DCTN5: variants seen among roughly 807,000 people sequenced by gnomAD.
DCTN5 encodes dynactin subunit 5, also known as dynactin 4.
A neutral mutation model predicts 23.5 loss-of-function variants in DCTN5; 14 were observed. That is an observed-to-expected ratio of 0.60 (90% confidence interval 0.39 to 0.93). The LOEUF is 0.93. Among genes scored for constraint, DCTN5 ranks in the 40% least tolerant of loss-of-function variants. The pLI is 0.00. For missense variants in DCTN5, 156 were observed against 225.9 expected (o/e 0.69, Z 1.98); for synonymous variants, 67 against 79.6 (o/e 0.84, Z 0.84).
intron 2 of DCTN5, among the ~76,000 whole-genome samples, chr16:23,653,941 C>G (rs1198417594): frequency 6.6e-6 from 1 of 152,184 alleles, no homozygotes; most frequent in African/African-American, 2.4e-5. Context: ...ACAAAAAGCT[C>G]AACATCACTG....
At chr16:23,661,303 G>C (rs1460860166) in intron 4 of DCTN5, 22 bp downstream of exon 4, 1 of 1,568,226 alleles carries the variant, frequency 6.4e-7, no homozygotes, top group African/African-American at 1.4e-5. Flanking sequence ...GACTTGGCTG[G>C]CAAAGCAGCT....
At chr16:23,663,774 T>G (rs1967858983) in intron 4 of DCTN5, among the ~76,000 whole-genome samples, 1 of 151,972 alleles carries the variant, frequency 6.6e-6, no homozygotes, top group South Asian at 2.1e-4. Flanking sequence ...ACCAGTACAT[T>G]CATGCCTAAG....
At chr16:23,661,352 A>G (rs564183855) in intron 4 of DCTN5, 71 bp downstream of exon 4, 3 of 1,118,544 alleles carry the variant, frequency 2.7e-6, no homozygotes, top group South Asian at 2.7e-5. Context: ...CTTCGGTGGG[A>G]CCCTGTTTCT....
At chr16:23,646,060 G>C (rs1365340180) in intron 2 of DCTN5, among the ~76,000 whole-genome samples, 1 of 152,130 alleles carries the variant, frequency 6.6e-6, no homozygotes, top group Admixed American at 6.5e-5. Context: ...CATTGTGCAG[G>C]GTTCCAATTT....
intron 5 of DCTN5, chr16:23,666,795 T>C (rs1967914602): frequency 1.8e-6 from 1 of 540,612 alleles, no homozygotes; most frequent in African/African-American, 1.9e-5. Context: ...TTGGCCATTC[T>C]ACCGTGTCAT....
chr16:23,653,604 A>G (rs1449280052), intron 2 of DCTN5, among the ~76,000 whole-genome samples: 1 of 152,260 alleles, frequency 6.6e-6, no homozygotes, highest in Non-Finnish European at 1.5e-5. Flanking sequence ...AAATCCTGGA[A>G]GACAACCTAA....
chr16:23,658,733 C>A, intron 3 of DCTN5, 108 bp downstream of exon 3: 1 of 827,404 alleles, frequency 1.2e-6, no homozygotes, highest in Non-Finnish European at 2.1e-6. Context: ...CTGTTTGAAG[C>A]ACTGAGTAAG....
intron 2 of DCTN5, among the ~76,000 whole-genome samples, chr16:23,648,524 A>G (rs898438255): frequency 6.7e-6 from 1 of 150,284 alleles, no homozygotes; most frequent in African/African-American, 2.5e-5. Flanking sequence ...TAATTTTTGT[A>G]TTTTTAATAG....
chr16:23,656,519 GA>G (rs1967707046), intron 2 of DCTN5, among the ~76,000 whole-genome samples: 1 of 152,078 alleles, frequency 6.6e-6, no homozygotes, highest in Non-Finnish European at 1.5e-5. Context: ...CTATCCAGTT[GA>G]ATTCTCCAGC....
intron 1 of DCTN5, among the ~76,000 whole-genome samples, chr16:23,641,913 T>C (rs868131204): frequency 1.3e-5 from 2 of 152,056 alleles, no homozygotes; most frequent in Non-Finnish European, 2.9e-5. Context: ...TAACTTGCGC[T>C]AAAAACGATT....
rs992744104 is a variant in DCTN5, at chr16:23,674,436, C to T, written c.*7292C>T. The T allele has an allele frequency of 1.3e-5, 2 of 152,234 alleles. No individual in the cohort carries two copies. Among genetic ancestry groups the T allele is most frequent in the African/African-American group, 4.8e-5 (2 of 41,452 alleles). The allele number at this position is 152,234 out of a possible 1,614,324, so 9.4% of individuals were successfully genotyped here. On this transcript the variant is annotated 3_prime_UTR_variant, in exon 6 of 6. Coordinates refer to ENST00000300087, the MANE Select transcript of DCTN5 (RefSeq NM_032486.4). Reference sequence around the variant, plus strand: ...CACATCGCAAGGACTATGACCTCTCCTCCTGCTTTTGACAGACCAGACTCA... The same window carrying T: ...CACATCGCAAGGACTATGACCTCTCTTCCTGCTTTTGACAGACCAGACTCA...
intron 2 of DCTN5, among the ~76,000 whole-genome samples, chr16:23,653,394 A>G (rs1479080453): frequency 9.2e-5 from 14 of 152,114 alleles, no homozygotes; most frequent in Non-Finnish European, 1.8e-4. Flanking sequence ...CAGAAATAAG[A>G]CCACACACCT....
intron 4 of DCTN5, among the ~76,000 whole-genome samples, chr16:23,662,582 T>A (rs1164139443): frequency 1.3e-5 from 2 of 152,250 alleles, no homozygotes; most frequent in Non-Finnish European, 2.9e-5. Flanking sequence ...GAGCCAGCTC[T>A]CTGCCCTGGA....
Position 23,645,126 on chromosome 16 carries a change from TA to T in DCTN5, c.117+2104del, listed in dbSNP as rs1233068915. The stretch of plus-strand genomic sequence containing the variant: ...ATATATATATATATATATATATATA[TA>T]TATATATATATTTTTTTTTTTTTTA... On this transcript the variant is annotated intron_variant, in intron 2 of 5. Transcript: ENST00000300087. Among the ~76,000 whole-genome samples, 272 of 39,328 alleles carry T rather than the reference TA, an allele frequency of 6.9e-3. 3 individuals carry two copies. The highest frequency in any genetic ancestry group is 9.1e-3 in the Non-Finnish European group (197 of 21,744). The allele number at this position is 39,328 out of a possible 152,430, so 25.8% of individuals were successfully genotyped here.
intron 2 of DCTN5, among the ~76,000 whole-genome samples, chr16:23,645,115 ATATATATATATATATATATATAT>A (rs1967414364): frequency 8.5e-5 from 3 of 35,350 alleles, no homozygotes; most frequent in African/African-American, 2.3e-4. Context: ...ATATATATAT[ATATATATATATATATATATATAT>A]TTTTTTTTTT....
intron 4 of DCTN5, 55 bp downstream of exon 4, chr16:23,661,336 C>A: frequency 1.6e-6 from 2 of 1,289,910 alleles, no homozygotes; most frequent in Non-Finnish European, 2.2e-6. Context: ...CAGCTCCCAT[C>A]CCTCACTTCG....
chr16:23,646,914 C>T (rs77740368), intron 2 of DCTN5, among the ~76,000 whole-genome samples: 9,613 of 152,126 alleles, frequency 0.063, 641 homozygotes, highest in African/African-American at 0.16. Context: ...AGGGGTCTAA[C>T]TTAGTTCTTT....
intron 4 of DCTN5, among the ~76,000 whole-genome samples, chr16:23,664,973 T>C (rs1967879256): frequency 6.6e-6 from 1 of 152,172 alleles, no homozygotes; most frequent in Non-Finnish European, 1.5e-5. Context: ...CAGCCCATGT[T>C]GTAAGAATTA....
At position 23,658,558 on chromosome 16, in the gene DCTN5, G is replaced by A; in HGVS notation, c.169G>A (p.Val57Ile). 6.2e-7 allele frequency: 1 copy of A among 1,614,218 alleles called. No individual in the cohort carries two copies. Among genetic ancestry groups the A allele is most frequent in the South Asian group, 1.1e-5 (1 of 91,092 alleles). Residue 57 changes from valine (V) to isoleucine (I), a missense_variant, in exon 3 of 6, where the codon GTT (valine) becomes ATT (isoleucine). Physicochemically the swap from Val to Ile is conservative, Grantham distance 29. Transcript: ENST00000300087. Reference sequence around the variant, plus strand: ...CCGAGGGGATCTGGCAAATGTAAGAGTTGGACGTCATTGTGTTGTGAAAAG... The same window carrying A: ...CCGAGGGGATCTGGCAAATGTAAGAATTGGACGTCATTGTGTTGTGAAAAG... ...IIRGDLANVR[V>I]GRHCVVKSRS...
Sources: gnomAD v4.1 joint callset for allele counts (sites outside exome capture counted in the v4.1 genomes callset) on GRCh38, gnomAD v4.1.1 for gene constraint, MANE v1.5 for transcripts, NCBI Gene and HGNC (gene_info 2026-07-23, HGNC 2026-07-21) for gene names.